Variants in DCLK1 observed in about 807,000 individuals in gnomAD.
DCLK1 encodes serine/threonine-protein kinase DCLK1.
A neutral mutation model predicts 86.2 loss-of-function variants in DCLK1; 16 were observed. That is an observed-to-expected ratio of 0.19 (90% confidence interval 0.13 to 0.28). The LOEUF (loss-of-function observed/expected upper bound fraction) is 0.28. DCLK1 is among the 10% of genes least tolerant of loss of function. The probability of loss-of-function intolerance (pLI) is 1.00; values close to 1 mark genes in which losing one functional copy is unlikely to be tolerated. For missense variants in DCLK1, 590 were observed against 940.2 expected (o/e 0.63, Z 4.87); for synonymous variants, 369 against 370.5 (o/e 1.00, Z 0.05).
intron 4 of DCLK1, among the ~76,000 whole-genome samples, chr13:35,903,942 C>T (rs1452202031): frequency 2.0e-5 from 3 of 152,104 alleles, no homozygotes; most frequent in Admixed American, 6.5e-5. Flanking sequence ...ATATTTCGAT[C>T]TTAGGAATTC....
At chr13:36,035,237 T>C (rs2153154051) in intron 3 of DCLK1, among the ~76,000 whole-genome samples, 1 of 152,272 alleles carries the variant, frequency 6.6e-6, no homozygotes, top group South Asian at 2.1e-4. Context: ...CCCTGGCTCA[T>C]TCACTCCTTT....
chr13:36,073,689 T>A (rs1384740669), intron 3 of DCLK1, among the ~76,000 whole-genome samples: 1 of 152,142 alleles, frequency 6.6e-6, no homozygotes, highest in Non-Finnish European at 1.5e-5. Context: ...GGAGGATGGC[T>A]CTGTCTGGCT....
chr13:36,064,938 T>C (rs922300712), intron 3 of DCLK1, among the ~76,000 whole-genome samples: 1 of 152,218 alleles, frequency 6.6e-6, no homozygotes, highest in Non-Finnish European at 1.5e-5. Context: ...GCAATGGTAC[T>C]AATAATTCAA....
At chr13:36,034,381 T>C (rs1432475654) in intron 3 of DCLK1, among the ~76,000 whole-genome samples, 1 of 152,208 alleles carries the variant, frequency 6.6e-6, no homozygotes, top group Non-Finnish European at 1.5e-5. Flanking sequence ...ATATTTTTCC[T>C]GTATCTTTTG....
At chr13:35,787,098 T>TAC (rs915606407) in intron 16 of DCLK1, among the ~76,000 whole-genome samples, 1 of 150,598 alleles carries the variant, frequency 6.6e-6, no homozygotes, top group Non-Finnish European at 1.5e-5. Flanking sequence ...TATATATATA[T>TAC]ACACACACAT....
intron 13 of DCLK1, among the ~76,000 whole-genome samples, chr13:35,808,787 A>G (rs1175438096): frequency 6.6e-6 from 1 of 151,966 alleles, no homozygotes; most frequent in Non-Finnish European, 1.5e-5. Context: ...TCTCAAAACC[A>G]GAAAGAAAAA....
chr13:35,890,863 C>T (rs1336426312), intron 4 of DCLK1, among the ~76,000 whole-genome samples: 2 of 134,714 alleles, frequency 1.5e-5, no homozygotes, highest in African/African-American at 2.6e-5. Flanking sequence ...TGTTAATATC[C>T]CTCTGCTTTT....
intron 3 of DCLK1, among the ~76,000 whole-genome samples, chr13:36,034,054 G>T (rs1425031634): frequency 6.6e-6 from 1 of 152,146 alleles, no homozygotes. Context: ...AAAAGCAGGA[G>T]CCAGGAGGGA....
chr13:35,781,479 C>T (rs2086524449), intron 16 of DCLK1, among the ~76,000 whole-genome samples: 2 of 152,214 alleles, frequency 1.3e-5, no homozygotes, highest in African/African-American at 4.8e-5. Flanking sequence ...ATAGGCCTTA[C>T]AGTCTATGGA....
chr13:35,907,009 C>T (rs78174405), intron 4 of DCLK1, among the ~76,000 whole-genome samples: 1,654 of 152,216 alleles, frequency 0.011, 37 homozygotes, highest in African/African-American at 0.037. Flanking sequence ...AACAGTGTCA[C>T]CTAGTAGCTG....
chr13:36,112,510 G>A (rs944907223), intron 2 of DCLK1, among the ~76,000 whole-genome samples: 2 of 152,192 alleles, frequency 1.3e-5, no homozygotes, highest in African/African-American at 4.8e-5. Flanking sequence ...AGAGAAGTGT[G>A]AAAGTGAATT....
At position 35,771,190 on chromosome 13, in the gene DCLK1, A is replaced by T. The variant is rs1486376310; in HGVS notation, c.*3345T>A. The T allele has an allele frequency of 6.6e-6, 1 of 152,156 alleles. No homozygotes were observed. Among genetic ancestry groups the T allele is most frequent in the Non-Finnish European group, 1.5e-5 (1 of 68,036 alleles). 9.4% of individuals were successfully genotyped at this position (152,156 alleles called of 1,614,324 possible). On this transcript the variant is annotated 3_prime_UTR_variant, in exon 17 of 17. Coordinates refer to ENST00000360631, the MANE Select transcript of DCLK1 (RefSeq NM_001330071.2). ...AAATTTTCTTTTCTTTTTGTTTTCA[A>T]CTGAAATATGCCTCAAAGGGTAAAG...
Position 35,933,923 on chromosome 13 carries a change from T to G in DCLK1, c.823+13435A>C, listed in dbSNP as rs956646990. Among the ~76,000 whole-genome samples, 15 of 152,354 alleles carry G rather than the reference T, an allele frequency of 9.8e-5. No individual in the cohort carries two copies. The East Asian group carries it at 1.7e-3, about 18-fold the overall frequency. ...TTCCTTTTCTATCACATTGTCAAGC[T>G]GCAAATTTTTCAAACTTTTATGCTC... On this transcript the variant is annotated intron_variant, in intron 4 of 16. Transcript: ENST00000360631.
In DCLK1 at chr13:35,826,540, A is replaced by AGGAAGGAAGGAAGG. The variant is rs1382422000; in HGVS notation, c.1407+1094_1407+1095insCCTTCCTTCCTTCC. ...CTCCATCTCAAAAAAAAAAAAAAAA[A>AGGAAGGAAGGAAGG]AAGAAAGAAAGAAAGAAAGAAACAA... On this transcript the variant is annotated intron_variant, in intron 10 of 16. Coordinates refer to ENST00000360631, the MANE Select transcript of DCLK1 (RefSeq NM_001330071.2). Among the ~76,000 whole-genome samples, 732 of 92,750 alleles carry AGGAAGGAAGGAAGG rather than the reference A, an allele frequency of 7.9e-3. 142 individuals carry two copies. The highest frequency in any genetic ancestry group is 0.022 in the African/African-American group (672 of 30,776). The allele number at this position is 92,750 out of a possible 152,430, so 60.8% of individuals were successfully genotyped here.
At chr13:36,108,256 T>C (rs889711165) in intron 3 of DCLK1, among the ~76,000 whole-genome samples, 3 of 151,998 alleles carry the variant, frequency 2.0e-5, no homozygotes, top group East Asian at 1.9e-4. Context: ...AAGAATGGAG[T>C]TGAAATCATT....
intron 3 of DCLK1, among the ~76,000 whole-genome samples, chr13:36,056,757 G>A (rs1187410084): frequency 6.7e-6 from 1 of 149,874 alleles, no homozygotes; most frequent in South Asian, 2.1e-4. Flanking sequence ...TATATTCTCC[G>A]TGGTGGCAGG....
chr13:35,801,651 G>A (rs1399742946), intron 15 of DCLK1, among the ~76,000 whole-genome samples: 2 of 152,152 alleles, frequency 1.3e-5, no homozygotes. Context: ...ATAATTATCA[G>A]CAAAGTGGGA....
chr13:36,064,167 T>C (rs1025585752), intron 3 of DCLK1, among the ~76,000 whole-genome samples: 1 of 152,210 alleles, frequency 6.6e-6, no homozygotes, highest in African/African-American at 2.4e-5. Flanking sequence ...AGGCATTCAT[T>C]GAATTTAACA....
intron 3 of DCLK1, among the ~76,000 whole-genome samples, chr13:35,982,492 T>C (rs1286631764): frequency 7.6e-6 from 1 of 131,466 alleles, no homozygotes; most frequent in Non-Finnish European, 1.6e-5. Flanking sequence ...GGGCAACCGA[T>C]TCAAGTGAAT....
Sources: gnomAD v4.1 joint callset for allele counts (sites outside exome capture counted in the v4.1 genomes callset) on GRCh38, gnomAD v4.1.1 for gene constraint, MANE v1.5 for transcripts, NCBI Gene and HGNC (gene_info 2026-07-23, HGNC 2026-07-21) for gene names.